The following SNX7 variants were observed in gnomAD, a reference collection of about 807,000 sequenced individuals.
SNX7 encodes sorting nexin-7.
Under a neutral mutation model 48.4 loss-of-function variants are expected in SNX7, and 35 were observed. That is an observed-to-expected ratio of 0.72 (90% CI 0.55 to 0.96). SNX7 has a LOEUF of 0.96. SNX7 is among the 40% of genes least tolerant of loss of function. The probability of loss-of-function intolerance (pLI) is 0.00; values close to 1 mark genes in which losing one functional copy is unlikely to be tolerated. For missense variants in SNX7, 553 were observed against 548.9 expected, an observed-to-expected ratio of 1.01 and a Z score of -0.07; for synonymous variants, 190 against 190.2, an observed-to-expected ratio of 1.00 and a Z score of 0.01.
chr1:98,757,361 G>T (rs1586029), intron 8 of SNX7, among the ~76,000 whole-genome samples: 108,125 of 151,798 alleles, frequency 0.71, 39,940 homozygotes, highest in South Asian at 0.82. Context: ...TCAGCAGGCT[G>T]CTTTCTTCTA....
At chr1:98,725,970 A>C (rs143055236) in intron 7 of SNX7, among the ~76,000 whole-genome samples, 56 of 152,302 alleles carry the variant, frequency 3.7e-4, no homozygotes, top group African/African-American at 1.3e-3. Context: ...GTTATTAATA[A>C]CATAGCTCTT....
intron 7 of SNX7, among the ~76,000 whole-genome samples, chr1:98,723,591 G>A (rs916261818): frequency 2.0e-5 from 3 of 151,990 alleles, no homozygotes; most frequent in Non-Finnish European, 4.4e-5. Context: ...TAGGTCGGGT[G>A]CAGTGGCTCA....
intron 1 of SNX7, among the ~76,000 whole-genome samples, chr1:98,667,114 T>TAATAAAATCTAAAAC (rs1409455043): frequency 3.3e-5 from 5 of 152,238 alleles, no homozygotes; most frequent in African/African-American, 1.2e-4. Flanking sequence ...CCAGTGAGCA[T>TAATAAAATCTAAAAC]AATAAAATCT....
chr1:98,672,955 AAT>A, intron 1 of SNX7, among the ~76,000 whole-genome samples: 2 of 147,810 alleles, frequency 1.4e-5, no homozygotes, highest in Non-Finnish European at 3.0e-5. Context: ...AAAAAAAAGA[AAT>A]TATTCAAGTG....
chr1:98,663,280 T>G (rs1649362801), intron 1 of SNX7, among the ~76,000 whole-genome samples: 2 of 113,042 alleles, frequency 1.8e-5, no homozygotes, highest in South Asian at 2.9e-4. Context: ...TTTTTTTTTT[T>G]TTTTTTTTTT....
intron 7 of SNX7, among the ~76,000 whole-genome samples, chr1:98,724,449 A>C (rs552328184): frequency 1.4e-4 from 21 of 152,016 alleles, no homozygotes; most frequent in African/African-American, 5.1e-4. Context: ...TGAGAATGTT[A>C]TTATTTGTTA....
At chr1:98,690,321 G>A (rs1375310278) in intron 2 of SNX7, among the ~76,000 whole-genome samples, 1 of 152,026 alleles carries the variant, frequency 6.6e-6, no homozygotes, top group Non-Finnish European at 1.5e-5. Flanking sequence ...TCTTTGGCTT[G>A]GGACTCAGGC....
intron 7 of SNX7, among the ~76,000 whole-genome samples, chr1:98,726,899 A>G (rs1307795862): frequency 2.0e-5 from 3 of 152,184 alleles, no homozygotes; most frequent in Non-Finnish European, 4.4e-5. Flanking sequence ...TGCCTGGCAC[A>G]TAATAGGCAC....
intron 8 of SNX7, among the ~76,000 whole-genome samples, chr1:98,748,328 A>G (rs79693078): frequency 0.039 from 5,858 of 151,914 alleles, 241 homozygotes; most frequent in East Asian, 0.19. Context: ...AAATATTCTC[A>G]TCAGTCCCCT....
At chr1:98,684,466 A>T (rs1027512667) in intron 1 of SNX7, among the ~76,000 whole-genome samples, 1 of 152,122 alleles carries the variant, frequency 6.6e-6, no homozygotes, top group African/African-American at 2.4e-5. Flanking sequence ...CACATGGCAG[A>T]CAGTGAAAGG....
In SNX7 at chr1:98,713,038, C is replaced by T. The variant is rs371412829; in HGVS notation, c.1125+11135C>T. ...CCTAGGAGGCAGAGGTTGCAGTGAG[C>T]CGAGATCGTGCCATTGCAGTCCAGC... On this transcript the variant is annotated intron_variant, in intron 7 of 8. Coordinates refer to ENST00000306121, the MANE Select transcript of SNX7 (RefSeq NM_015976.5). Among the ~76,000 whole-genome samples the T allele has an allele frequency of 3.4e-5, 5 of 149,192 alleles. No individual in the cohort carries two copies. In the East Asian group the frequency reaches 7.8e-4, roughly 23 times the overall value.
intron 7 of SNX7, among the ~76,000 whole-genome samples, chr1:98,715,965 C>CAT (rs1373697726): frequency 6.6e-6 from 1 of 151,976 alleles, no homozygotes; most frequent in African/African-American, 2.4e-5. Flanking sequence ...TCTGTATTTA[C>CAT]ATATATATAA....
At position 98,697,028 on chromosome 1, in the gene SNX7, T is replaced by C. The variant is rs113085007; in HGVS notation, c.838+1312T>C. On this transcript the variant is annotated intron_variant, in intron 5 of 8. Transcript: ENST00000306121. ...TGGTATGTAAGCACAGTTTAGAATT[T>C]TAGGGCAGCTTTGCATATAAACATA... Among the ~76,000 whole-genome samples, 145 of 152,242 alleles carry C rather than the reference T, an allele frequency of 9.5e-4. 1 individual carries two copies. The highest frequency in any genetic ancestry group is 6.8e-3 in the Middle Eastern group (2 of 294).
At chr1:98,751,975 T>C (rs1033461451) in intron 8 of SNX7, among the ~76,000 whole-genome samples, 1 of 152,172 alleles carries the variant, frequency 6.6e-6, no homozygotes. Flanking sequence ...GGATATTTTT[T>C]ATTACTACTC....
intron 1 of SNX7, among the ~76,000 whole-genome samples, chr1:98,669,263 T>G (rs1649711520): frequency 6.6e-6 from 1 of 152,176 alleles, no homozygotes; most frequent in African/African-American, 2.4e-5. Context: ...ATTTTTACCT[T>G]TTTGATATCT....
At chr1:98,668,232 T>C (rs1360103177) in intron 1 of SNX7, among the ~76,000 whole-genome samples, 1 of 152,218 alleles carries the variant, frequency 6.6e-6, no homozygotes, top group African/African-American at 2.4e-5. Flanking sequence ...CTAGTGGTTT[T>C]CAGTGACTGA....
intron 4 of SNX7, among the ~76,000 whole-genome samples, chr1:98,692,367 G>A (rs902510821): frequency 3.0e-4 from 45 of 152,130 alleles, no homozygotes; most frequent in African/African-American, 1.1e-3. Context: ...TGAATTGTCA[G>A]TCTGAAATGG....
rs564185161 is a variant in SNX7 at position 98,740,552 on chromosome 1, A to G, written c.1278+2163A>G. On this transcript the variant is annotated intron_variant, in intron 8 of 8. Coordinates refer to ENST00000306121, the MANE Select transcript of SNX7 (RefSeq NM_015976.5). ...ATGTTAAGATCTGCCAATTTTTCTA[A>G]ATTTGGATTTTTTTAAAAGTGTTCA... Among the ~76,000 whole-genome samples the G allele has an allele frequency of 4.6e-5, 7 of 152,236 alleles. No homozygotes were observed. In the South Asian group the frequency reaches 6.2e-4, roughly 14 times the overall value.
intron 7 of SNX7, among the ~76,000 whole-genome samples, chr1:98,732,890 G>A (rs1203716560): frequency 1.3e-5 from 2 of 152,098 alleles, no homozygotes; most frequent in Non-Finnish European, 2.9e-5. Flanking sequence ...CAAAAGAGCA[G>A]AGCTGCACAT....
Sources: allele counts gnomAD v4.1 joint callset (sites outside exome capture counted in the v4.1 genomes callset), GRCh38; gene constraint gnomAD v4.1.1; transcripts MANE v1.5; gene names NCBI Gene and HGNC (gene_info 2026-07-23, HGNC 2026-07-21).